The following MYOF variants were observed in gnomAD, a reference collection of about 807,000 sequenced individuals.
The protein encoded by MYOF is fer-1-like 3, myoferlin.
MYOF carries 244 observed loss-of-function variants against 284.2 expected under a neutral mutation model. The observed-to-expected ratio is 0.86, with a 90% confidence interval of 0.77 to 0.95. The LOEUF is 0.95. Among genes scored for constraint, MYOF ranks in the 40% least tolerant of loss-of-function variants. MYOF has a pLI of 0.00. For synonymous variants in MYOF, 904 were observed against 919.7 expected (o/e 0.98, Z 0.31); for missense variants, 2,496 against 2,560.6 (o/e 0.97, Z 0.54).
intron 13 of MYOF, 52 bp downstream of exon 13, chr10:93,399,340 T>C: frequency 7.4e-7 from 1 of 1,354,978 alleles, no homozygotes; most frequent in Non-Finnish European, 1.0e-6. Context: ...GAAAGCACAG[T>C]AGTTTTAGAT....
chr10:93,430,348 G>A (rs1032512576), intron 4 of MYOF, among the ~76,000 whole-genome samples: 7 of 151,890 alleles, frequency 4.6e-5, no homozygotes, highest in African/African-American at 9.7e-5. Flanking sequence ...TTGGTAGGTC[G>A]AAGTGGGAGG....
At chr10:93,325,741 G>A in intron 46 of MYOF, 85 bp downstream of exon 46, 5 of 1,452,696 alleles carry the variant, frequency 3.4e-6, no homozygotes, top group Non-Finnish European at 4.7e-6. Flanking sequence ...AGTATTCAAA[G>A]AAGATAAAAG....
chr10:93,347,818 C>G (rs896564857), intron 36 of MYOF, 36 bp from the exon 37 acceptor site: 2 of 1,592,750 alleles, frequency 1.3e-6, no homozygotes, highest in Admixed American at 3.4e-5. Flanking sequence ...TTTCTCAAGA[C>G]CAGACGAGGG....
At chr10:93,352,092 G>T (rs1440140912) in intron 32 of MYOF, among the ~76,000 whole-genome samples, 2 of 152,162 alleles carry the variant, frequency 1.3e-5, no homozygotes, top group African/African-American at 4.8e-5. Flanking sequence ...CCCCACCAAG[G>T]TTAATGGGGC....
rs200503864 is a variant in MYOF at position 93,310,185 on chromosome 10, A to G, written c.6000-18T>C. 1,195 of 1,613,008 alleles carry G rather than the reference A, an allele frequency of 7.4e-4. 4 individuals carry two copies. Among genetic ancestry groups the G allele is most frequent in the Middle Eastern group, 3.8e-3 (23 of 6,060 alleles). Reference sequence around the variant, plus strand: ...CTGGTCGACTGCATTGCAAAGAAACAGTATCACCTACCCAACTCAGGAGGG... The same window carrying G: ...CTGGTCGACTGCATTGCAAAGAAACGGTATCACCTACCCAACTCAGGAGGG... On this transcript the variant is annotated intron_variant, in intron 52 of 53. Coordinates refer to ENST00000359263, the MANE Select transcript of MYOF (RefSeq NM_013451.4).
intron 5 of MYOF, among the ~76,000 whole-genome samples, chr10:93,415,527 A>T (rs982104596): frequency 6.6e-6 from 1 of 152,204 alleles, no homozygotes; most frequent in Non-Finnish European, 1.5e-5. Context: ...GCATCTTGAA[A>T]GCTTCCAACA....
intron 28 of MYOF, among the ~76,000 whole-genome samples, chr10:93,361,096 A>G (rs1564648960): frequency 6.6e-6 from 1 of 152,106 alleles, no homozygotes; most frequent in East Asian, 1.9e-4. Flanking sequence ...CAATTTTTCT[A>G]TGGACAGGGT....
chr10:93,437,366 G>C (rs995870762), intron 3 of MYOF, among the ~76,000 whole-genome samples: 3 of 152,016 alleles, frequency 2.0e-5, no homozygotes, highest in Non-Finnish European at 4.4e-5. Flanking sequence ...AAATGTGAAG[G>C]GCCGCATGCC....
intron 25 of MYOF, among the ~76,000 whole-genome samples, chr10:93,368,481 C>T (rs957944941): frequency 1.3e-5 from 2 of 152,150 alleles, no homozygotes. Flanking sequence ...CCTTGAGGAC[C>T]AGGCTTGGCT....
At chr10:93,384,646 G>A (rs1440312352) in intron 19 of MYOF, among the ~76,000 whole-genome samples, 7 of 142,702 alleles carry the variant, frequency 4.9e-5, no homozygotes, top group Non-Finnish European at 3.0e-5. Flanking sequence ...CTCTGTCTCA[G>A]AAAAAAAAAA....
At chr10:93,431,573 A>T in intron 3 of MYOF, 57 bp from the exon 4 acceptor site, 2 of 1,304,412 alleles carry the variant, frequency 1.5e-6, no homozygotes, top group Non-Finnish European at 2.2e-6. Flanking sequence ...GCTTCCAATG[A>T]CTCAGGACCT....
chr10:93,453,462 A>C (rs788110), intron 2 of MYOF, among the ~76,000 whole-genome samples: 96,554 of 151,062 alleles, frequency 0.64, 32,338 homozygotes, highest in Non-Finnish European at 0.74. Context: ...CCGCACCTGG[A>C]CAATTTTTGT....
chr10:93,328,981 T>C, intron 44 of MYOF, 70 bp from the exon 45 acceptor site: 2 of 1,511,058 alleles, frequency 1.3e-6, no homozygotes, highest in East Asian at 2.3e-5. Flanking sequence ...CACACATACA[T>C]GCTCATGTAC....
At chr10:93,394,448 C>CTCTTTTTT (rs1846871495) in intron 16 of MYOF, among the ~76,000 whole-genome samples, 6 of 28,682 alleles carry the variant, frequency 2.1e-4, no homozygotes, top group Admixed American at 6.7e-4. Context: ...ACCATCTTGT[C>CTCTTTTTT]TTTTTTTTTT....
intron 1 of MYOF, among the ~76,000 whole-genome samples, chr10:93,470,007 T>A (rs1277180826): frequency 6.6e-6 from 1 of 152,046 alleles, no homozygotes; most frequent in Non-Finnish European, 1.5e-5. Context: ...GGCGGGCAGA[T>A]CGCCTGAGGT....
chr10:93,416,993 C>T (rs1182424695), intron 5 of MYOF, among the ~76,000 whole-genome samples: 2 of 152,184 alleles, frequency 1.3e-5, no homozygotes, highest in Admixed American at 6.5e-5. Context: ...AAGAAAGGAA[C>T]TTGAGGCTCA....
At chr10:93,408,980 G>A in intron 6 of MYOF, 65 bp from the exon 7 acceptor site, 2 of 1,600,388 alleles carry the variant, frequency 1.2e-6, no homozygotes, top group Non-Finnish European at 1.7e-6. Context: ...AGGATCCTCA[G>A]GTGTTGCTTC....
Position 93,395,974 on chromosome 10 carries a change from G to C in MYOF, c.1417+168C>G, listed in dbSNP as rs376243702. Among the ~76,000 whole-genome samples, 161 of 149,836 alleles carry C rather than the reference G, an allele frequency of 1.1e-3. 1 individual carries two copies. Among genetic ancestry groups the C allele is most frequent in the African/African-American group, 3.8e-3 (155 of 40,562 alleles). On this transcript the variant is annotated intron_variant, in intron 16 of 53. Transcript: ENST00000359263. ...TACTTATATACTTCAATGATTAATT[G>C]TTTTGCAGGCCATCACCAAAACATC... is the stretch of plus-strand genomic sequence containing the variant.
At chr10:93,397,067 CT>C in intron 15 of MYOF, 179 bp downstream of exon 15, 3 of 508,018 alleles carry the variant, frequency 5.9e-6, no homozygotes, top group South Asian at 3.4e-5. Context: ...ATAATCGAAG[CT>C]TTTTTTGCAG....
Sources: gnomAD v4.1 joint callset for allele counts (sites outside exome capture counted in the v4.1 genomes callset) on GRCh38, gnomAD v4.1.1 for gene constraint, MANE v1.5 for transcripts, NCBI Gene and HGNC (gene_info 2026-07-23, HGNC 2026-07-21) for gene names.